AREL1: variants seen among roughly 807,000 people sequenced by gnomAD.
AREL1 encodes the protein apoptosis resistant E3 ubiquitin protein ligase 1.
In AREL1, 62 loss-of-function variants were observed where a neutral mutation model predicts 99.0. The ratio of observed to expected loss-of-function variants is 0.63; its 90% confidence interval spans 0.51 to 0.77. The LOEUF is 0.77. AREL1 is among the 30% of genes least tolerant of loss of function. The probability of loss-of-function intolerance (pLI) is 0.00; values close to 1 mark genes in which losing one functional copy is unlikely to be tolerated. For synonymous variants in AREL1, 380 were observed against 376.5 expected (o/e 1.01, Z -0.11); for missense variants, 879 against 1,027.6 (o/e 0.86, Z 1.98).
At chr14:74,706,533 C>T (rs534214295) in intron 1 of AREL1, among the ~76,000 whole-genome samples, 1 of 152,122 alleles carries the variant, frequency 6.6e-6, no homozygotes, top group Non-Finnish European at 1.5e-5. Context: ...AGAAATGGCA[C>T]CCTAAGATAG....
At chr14:74,681,283 G>A (rs950500992) in intron 5 of AREL1, among the ~76,000 whole-genome samples, 2 of 152,104 alleles carry the variant, frequency 1.3e-5, no homozygotes, top group African/African-American at 4.8e-5. Context: ...TACTCAACCT[G>A]TACTACTCAG....
chr14:74,674,260 T>C, intron 8 of AREL1, 149 bp from the exon 9 acceptor site: 2 of 635,900 alleles, frequency 3.1e-6, no homozygotes, highest in Middle Eastern at 4.2e-4. Context: ...AGTACTAAAG[T>C]CAAATAAATA....
chr14:74,666,333 A>G (rs2139855922), intron 17 of AREL1, among the ~76,000 whole-genome samples: 1 of 152,362 alleles, frequency 6.6e-6, no homozygotes, highest in African/African-American at 2.4e-5. Context: ...TCTGTGAGCA[A>G]CAGGCCACAA....
At chr14:74,667,296 G>A in intron 17 of AREL1, 23 bp downstream of exon 17, 1 of 1,613,934 alleles carries the variant, frequency 6.2e-7, no homozygotes, top group Non-Finnish European at 8.5e-7. Flanking sequence ...TTAAGAATGG[G>A]AGTCTGAATT....
rs1018782502 is a variant in AREL1, at chr14:74,663,486, C to T, written c.*234G>A. 5.5e-6 allele frequency: 3 copies of T among 545,682 alleles called. No homozygotes were observed. The highest frequency in any genetic ancestry group is 3.1e-5 in the Admixed American group (1 of 32,666). 33.8% of individuals were successfully genotyped at this position (545,682 alleles called of 1,614,324 possible). The stretch of plus-strand genomic sequence containing the variant: ...TAGCAGCATGGTCCTCTTCTCATGA[C>T]AGAATGAAGAGCTCAGCTTACATAC... On this transcript the variant is annotated 3_prime_UTR_variant, in exon 20 of 20. Transcript: ENST00000356357.
intron 15 of AREL1, 36 bp downstream of exon 15, chr14:74,669,613 G>T (rs769418362): frequency 1.9e-6 from 3 of 1,603,544 alleles, no homozygotes; most frequent in Non-Finnish European, 2.6e-6. Context: ...GGAAACTGGA[G>T]AACATAGGAC....
intron 9 of AREL1, 38 bp from the exon 10 acceptor site, chr14:74,673,256 C>G (rs1276259610): frequency 6.2e-7 from 1 of 1,608,628 alleles, no homozygotes; most frequent in Non-Finnish European, 8.5e-7. Flanking sequence ...CTATAAAACC[C>G]TCAAGGCCAG....
intron 15 of AREL1, among the ~76,000 whole-genome samples, chr14:74,669,244 C>A (rs1035497981): frequency 6.6e-6 from 1 of 152,174 alleles, no homozygotes; most frequent in African/African-American, 2.4e-5. Context: ...GAATCACCTA[C>A]ATCACTACTG....
At position 74,675,881 on chromosome 14, in the gene AREL1, A is replaced by T. The variant is rs2089460371; in HGVS notation, c.898T>A (p.Tyr300Asn). ...CTACAGTTGGTAGCATTATAAAGAT[A>T]AGCCTCAAAGTAAATGCTCACGCCT... ...TSGVSIYFEA[Y>N]LYNATNCSST... Residue 300 changes from tyrosine (Y) to asparagine (N), a missense_variant, in exon 8 of 20, where the codon TAT becomes AAT. Physicochemically the swap from Tyr to Asn is moderately radical, Grantham distance 143. Transcript: ENST00000356357. 14 of 1,613,834 alleles carry T rather than the reference A, an allele frequency of 8.7e-6. No individual in the cohort carries two copies. The highest frequency in any genetic ancestry group is 1.1e-5 in the Non-Finnish European group (13 of 1,179,922).
intron 1 of AREL1, among the ~76,000 whole-genome samples, chr14:74,707,355 C>T (rs945326673): frequency 1.6e-4 from 23 of 144,384 alleles, no homozygotes; most frequent in African/African-American, 4.4e-4. Flanking sequence ...GTGACAAGAG[C>T]GAAACTCCAT....
chr14:74,703,566 A>G (rs919156110), intron 1 of AREL1, among the ~76,000 whole-genome samples: 8 of 152,220 alleles, frequency 5.3e-5, no homozygotes, highest in African/African-American at 1.9e-4. Flanking sequence ...GGTACATAGA[A>G]ATACATTTGT....
At chr14:74,680,567 A>G in intron 5 of AREL1, among the ~76,000 whole-genome samples, 1 of 152,242 alleles carries the variant, frequency 6.6e-6, no homozygotes. Flanking sequence ...ATGAAAATTT[A>G]TGTTCACATA....
intron 2 of AREL1, among the ~76,000 whole-genome samples, chr14:74,691,694 T>C (rs529788757): frequency 2.6e-5 from 4 of 152,218 alleles, no homozygotes; most frequent in Non-Finnish European, 4.4e-5. Context: ...TCACATTACC[T>C]ACCAAAGGGG....
At chr14:74,675,646 A>G (rs755919486) in intron 8 of AREL1, 53 bp downstream of exon 8, 134 of 1,583,546 alleles carry the variant, frequency 8.5e-5, no homozygotes, top group South Asian at 3.8e-4. Flanking sequence ...CCAAATACCA[A>G]TTACACACAG....
chr14:74,695,594 G>A (rs1387189932), intron 1 of AREL1, among the ~76,000 whole-genome samples: 1 of 152,134 alleles, frequency 6.6e-6, no homozygotes, highest in Admixed American at 6.6e-5. Flanking sequence ...AGGCCTCTCT[G>A]AGGACTCTTC....
intron 1 of AREL1, among the ~76,000 whole-genome samples, chr14:74,706,939 CA>C (rs2090189185): frequency 6.6e-6 from 1 of 152,138 alleles, no homozygotes; most frequent in Non-Finnish European, 1.5e-5. Flanking sequence ...TCAAGGAATA[CA>C]AAACACTACC....
In AREL1 at chr14:74,713,079, T is replaced by C. The variant is rs2090351185; in HGVS notation, c.-480A>G. 2 of 1,589,038 alleles carry C rather than the reference T, an allele frequency of 1.3e-6. No individual in the cohort carries two copies. Among genetic ancestry groups the C allele is most frequent in the South Asian group, 2.2e-5 (2 of 90,552 alleles). On this transcript the variant is annotated 5_prime_UTR_variant, in exon 1 of 20. Transcript: ENST00000356357. Reference sequence around the variant, plus strand: ...CCGGCCTGGGAACCGGCTCGGGGGATTGCCCTTTCCCCAAGGAGTTTCCGC... The same window carrying C: ...CCGGCCTGGGAACCGGCTCGGGGGACTGCCCTTTCCCCAAGGAGTTTCCGC...
At chr14:74,712,038 CAAAAAAAAAAAAAAAA>C (rs752599769) in intron 1 of AREL1, 2 of 28,708 alleles carry the variant, frequency 7.0e-5, no homozygotes, top group African/African-American at 2.8e-4. Flanking sequence ...AGACAAAGTG[CAAAAAAAAAAAAAAAA>C]AAAAAAAAAA....
intron 5 of AREL1, among the ~76,000 whole-genome samples, chr14:74,679,323 G>A (rs2089573550): frequency 1.3e-5 from 2 of 152,094 alleles, no homozygotes; most frequent in African/African-American, 2.4e-5. Flanking sequence ...TTGGGAGGCT[G>A]AGATGGGAGA....
Sources: allele counts gnomAD v4.1 joint callset (sites outside exome capture counted in the v4.1 genomes callset), GRCh38; gene constraint gnomAD v4.1.1; transcripts MANE v1.5; gene names NCBI Gene and HGNC (gene_info 2026-07-23, HGNC 2026-07-21).